The following CADM2 variants were observed in gnomAD, a reference collection of about 807,000 sequenced individuals.
CADM2 encodes the protein immunoglobulin superfamily member 4D.
A neutral mutation model predicts 49.8 loss-of-function variants in CADM2; 12 were observed. The ratio of observed to expected loss-of-function variants is 0.24; its 90% CI spans 0.15 to 0.39. The LOEUF (loss-of-function observed/expected upper bound fraction) is 0.39, where lower values mean the gene tolerates loss of function less well. Ranked by LOEUF, CADM2 falls within the 10% of genes least tolerant of loss-of-function variation. The pLI, the probability that CADM2 is intolerant of heterozygous loss-of-function variation, is 1.00. For synonymous variants in CADM2, 214 were observed against 175.4 expected, an observed-to-expected ratio of 1.22 and a Z score of -1.74; for missense variants, 378 against 492.3, an observed-to-expected ratio of 0.77 and a Z score of 2.20.
intron 1 of CADM2, among the ~76,000 whole-genome samples, chr3:85,460,733 G>GGTGTGTGTGTGT (rs57401290): frequency 2.0e-5 from 3 of 149,068 alleles, no homozygotes; most frequent in Admixed American, 6.7e-5. Flanking sequence ...TGGGAGATGT[G>GGTGTGTGTGTGT]GTGTGTGTGT....
chr3:85,250,138 A>T (rs1218541732), intron 1 of CADM2, among the ~76,000 whole-genome samples: 3 of 151,730 alleles, frequency 2.0e-5, no homozygotes, highest in Non-Finnish European at 4.4e-5. Context: ...TTGTTTTATT[A>T]ACATTTAGGA....
At chr3:85,475,716 T>C (rs923640202) in intron 1 of CADM2, among the ~76,000 whole-genome samples, 2 of 151,900 alleles carry the variant, frequency 1.3e-5, no homozygotes. Flanking sequence ...ATTATATTTA[T>C]CCAGCAATTT....
intron 1 of CADM2, among the ~76,000 whole-genome samples, chr3:85,624,439 T>C (rs2064064636): frequency 2.0e-5 from 3 of 152,084 alleles, no homozygotes; most frequent in Admixed American, 2.0e-4. Flanking sequence ...TTCAAGCAAT[T>C]ATCCTGCCTC....
intron 1 of CADM2, among the ~76,000 whole-genome samples, chr3:85,220,543 T>C (rs1437038700): frequency 6.6e-6 from 1 of 152,196 alleles, no homozygotes; most frequent in Non-Finnish European, 1.5e-5. Context: ...ATCTAGGGCT[T>C]ATGTTTGTAA....
intron 1 of CADM2, among the ~76,000 whole-genome samples, chr3:85,462,467 AG>A (rs2038293000): frequency 6.6e-6 from 1 of 152,244 alleles, no homozygotes; most frequent in African/African-American, 2.4e-5. Flanking sequence ...CCATCTACAA[AG>A]CTTGATTCAT....
At chr3:85,208,871 C>G (rs975723525) in intron 1 of CADM2, among the ~76,000 whole-genome samples, 3 of 152,138 alleles carry the variant, frequency 2.0e-5, no homozygotes, top group African/African-American at 7.2e-5. Context: ...CACCTGATGT[C>G]ACTCCAGATA....
intron 6 of CADM2, among the ~76,000 whole-genome samples, chr3:85,922,824 T>G (rs923884075): frequency 1.5e-5 from 2 of 130,790 alleles, no homozygotes; most frequent in Admixed American, 1.7e-4. Context: ...ATATATTTTT[T>G]GTTGTTTTTT....
intron 1 of CADM2, among the ~76,000 whole-genome samples, chr3:85,277,152 TA>T (rs1308485122): frequency 6.6e-6 from 1 of 151,312 alleles, no homozygotes; most frequent in African/African-American, 2.4e-5. Context: ...ATTATGTTTT[TA>T]AAAAATAAAT....
chr3:85,505,662 G>C lies in CADM2; in HGVS notation c.62-220860G>C, dbSNP rs1348707374. ...GTCATAAAGTAGCCATCATATGTTA[G>C]AGATATATTACATTCTATGATTATA... On this transcript the variant is annotated intron_variant, in intron 1 of 9. Transcript: ENST00000383699. Among the ~76,000 whole-genome samples the C allele has an allele frequency of 3.3e-5, 5 of 152,270 alleles. No individual in the cohort carries two copies. The East Asian group carries it at 9.7e-4, about 29-fold the overall frequency.
chr3:85,435,005 A>G (rs1461772203), intron 1 of CADM2, among the ~76,000 whole-genome samples: 1 of 152,064 alleles, frequency 6.6e-6, no homozygotes, highest in South Asian at 2.1e-4. Flanking sequence ...TCTTGATTTT[A>G]TCATTTATTT....
chr3:85,939,208 C>T (rs199842444), intron 7 of CADM2, among the ~76,000 whole-genome samples: 1 of 151,986 alleles, frequency 6.6e-6, no homozygotes, highest in Non-Finnish European at 1.5e-5. Flanking sequence ...TGCCATTTTC[C>T]TGTGAAACAG....
At chr3:85,720,717 T>G (rs1032075256) in intron 1 of CADM2, among the ~76,000 whole-genome samples, 13 of 152,204 alleles carry the variant, frequency 8.5e-5, no homozygotes, top group African/African-American at 2.9e-4. Flanking sequence ...GCTATTTTAA[T>G]AAGTTTCATG....
At chr3:85,955,261 A>C (rs939694320) in intron 7 of CADM2, among the ~76,000 whole-genome samples, 7 of 151,306 alleles carry the variant, frequency 4.6e-5, no homozygotes, top group Non-Finnish European at 1.0e-4. Context: ...TTAGTGCTAG[A>C]CCCCAACATA....
chr3:85,841,169 A>G (rs1226381203), intron 3 of CADM2, among the ~76,000 whole-genome samples: 1 of 151,934 alleles, frequency 6.6e-6, no homozygotes, highest in African/African-American at 2.4e-5. Context: ...AACTTTTCAG[A>G]TAGAAATTTG....
At chr3:84,976,182 C>T (rs972918320) in intron 1 of CADM2, among the ~76,000 whole-genome samples, 1 of 151,490 alleles carries the variant, frequency 6.6e-6, no homozygotes, top group African/African-American at 2.4e-5. Context: ...AAAGTGTGAA[C>T]CAGATAAAGA....
chr3:84,967,457 T>C (rs2107069890), intron 1 of CADM2, among the ~76,000 whole-genome samples: 1 of 152,300 alleles, frequency 6.6e-6, no homozygotes, highest in East Asian at 1.9e-4. Flanking sequence ...TCTGGAGTTG[T>C]AGGCTTAAGT....
intron 1 of CADM2, among the ~76,000 whole-genome samples, chr3:85,687,062 A>T (rs1168106050): frequency 6.6e-6 from 1 of 152,038 alleles, no homozygotes; most frequent in Non-Finnish European, 1.5e-5. Context: ...ATTAACTGAG[A>T]CCTGTCTCAG....
At chr3:85,494,962 A>G (rs1021651969) in intron 1 of CADM2, among the ~76,000 whole-genome samples, 13 of 152,146 alleles carry the variant, frequency 8.5e-5, no homozygotes, top group Admixed American at 3.3e-4. Flanking sequence ...TTAAAGTATT[A>G]TATTTTTGAT....
At chr3:85,571,182 G>T (rs1203750595) in intron 1 of CADM2, among the ~76,000 whole-genome samples, 1 of 151,926 alleles carries the variant, frequency 6.6e-6, no homozygotes, top group African/African-American at 2.4e-5. Context: ...ATATTCATTT[G>T]GCATGAAATT....
Sources: allele counts gnomAD v4.1 joint callset (sites outside exome capture counted in the v4.1 genomes callset), GRCh38; gene constraint gnomAD v4.1.1; transcripts MANE v1.5; gene names NCBI Gene and HGNC (gene_info 2026-07-23, HGNC 2026-07-21).